IQGAP2: variants seen among roughly 807,000 people sequenced by gnomAD.
The protein encoded by IQGAP2 is ras GTPase-activating-like protein IQGAP2.
A neutral mutation model predicts 201.3 loss-of-function variants in IQGAP2; 173 were observed. That is an observed-to-expected ratio of 0.86 (90% CI 0.76 to 0.98). The LOEUF (loss-of-function observed/expected upper bound fraction) is 0.98. Ranked by LOEUF, IQGAP2 falls within the 50% of genes least tolerant of loss-of-function variation. The pLI, the probability that IQGAP2 is intolerant of heterozygous loss-of-function variation, is 0.00. For missense variants in IQGAP2, 1,687 were observed against 1,864.8 expected (o/e 0.90, Z 1.76); for synonymous variants, 675 against 673.9 (o/e 1.00, Z -0.03).
intron 30 of IQGAP2, chr5:76,691,750 TG>T (rs1186346758): frequency 6.6e-6 from 1 of 152,236 alleles, no homozygotes; most frequent in African/African-American, 2.4e-5. Flanking sequence ...ACATTGTGAT[TG>T]TTCTTTTCAC....
At chr5:76,705,891 T>A (rs1473523237) in intron 35 of IQGAP2, among the ~76,000 whole-genome samples, 2 of 152,252 alleles carry the variant, frequency 1.3e-5, no homozygotes, top group African/African-American at 2.4e-5. Flanking sequence ...TATGTTACTA[T>A]GAAATGTTAC....
chr5:76,666,692 T>A (rs889085470), intron 22 of IQGAP2, among the ~76,000 whole-genome samples: 4 of 152,174 alleles, frequency 2.6e-5, no homozygotes, highest in Non-Finnish European at 4.4e-5. Context: ...CTAAAGAAAT[T>A]ATAGAAAAGC....
intron 9 of IQGAP2, among the ~76,000 whole-genome samples, chr5:76,595,768 A>AAGAGAGAGAGAGAGAGAG: frequency 6.9e-6 from 1 of 144,294 alleles, no homozygotes; most frequent in South Asian, 2.2e-4. Flanking sequence ...CAAAAAAAGA[A>AAGAGAGAGAGAGAGAGAG]AGAGAGAGAG....
At chr5:76,687,567 A>AGTG (rs1554086159) in intron 30 of IQGAP2, among the ~76,000 whole-genome samples, 1 of 152,138 alleles carries the variant, frequency 6.6e-6, no homozygotes, top group Non-Finnish European at 1.5e-5. Flanking sequence ...ACACAGCAGG[A>AGTG]GGGGAGCAAG....
intron 2 of IQGAP2, among the ~76,000 whole-genome samples, chr5:76,496,742 TTTCTTTCTTTCTTTCTTTC>T (rs1561416283): frequency 3.5e-4 from 15 of 42,444 alleles, no homozygotes; most frequent in South Asian, 6.1e-4. Flanking sequence ...TCTTTCTTTC[TTTCTTTCTTTCTTTCTTTC>T]TTTCTTTCTT....
chr5:76,595,262 T>C (rs1350117590), intron 9 of IQGAP2, among the ~76,000 whole-genome samples: 1 of 145,044 alleles, frequency 6.9e-6, no homozygotes, highest in Admixed American at 6.9e-5. Flanking sequence ...TTTTTTTTTT[T>C]TTTTTTTTTC....
intron 13 of IQGAP2, among the ~76,000 whole-genome samples, chr5:76,622,794 A>G (rs906652665): frequency 6.6e-6 from 1 of 152,216 alleles, no homozygotes; most frequent in African/African-American, 2.4e-5. Context: ...ATGTCTCACC[A>G]AGAGGTTTAA....
intron 2 of IQGAP2, among the ~76,000 whole-genome samples, chr5:76,471,676 A>T (rs1755118666): frequency 6.6e-6 from 1 of 151,002 alleles, no homozygotes; most frequent in Non-Finnish European, 1.5e-5. Flanking sequence ...GAAAGCCATG[A>T]GTTGCTTAAC....
chr5:76,524,140 C>A (rs1758842849), intron 2 of IQGAP2, among the ~76,000 whole-genome samples: 1 of 152,204 alleles, frequency 6.6e-6, no homozygotes, highest in Non-Finnish European at 1.5e-5. Context: ...GACAACCCAA[C>A]CTATTCCCAA....
At chr5:76,559,256 G>A (rs1253460432) in intron 2 of IQGAP2, among the ~76,000 whole-genome samples, 2 of 152,108 alleles carry the variant, frequency 1.3e-5, no homozygotes, top group Non-Finnish European at 2.9e-5. Flanking sequence ...ACTGTTTCCT[G>A]GAACTGTCTT....
chr5:76,641,142 A>C, intron 17 of IQGAP2, 39 bp downstream of exon 17: 1 of 1,433,220 alleles, frequency 7.0e-7, no homozygotes, highest in Non-Finnish European at 9.5e-7. Context: ...CAAAACTGTC[A>C]TATCACCTGA....
At chr5:76,664,659 G>A (rs1393366780) in intron 21 of IQGAP2, among the ~76,000 whole-genome samples, 1 of 149,896 alleles carries the variant, frequency 6.7e-6, no homozygotes, top group African/African-American at 2.5e-5. Context: ...CTCCAGCCTG[G>A]GTGACAAAGC....
intron 13 of IQGAP2, among the ~76,000 whole-genome samples, chr5:76,620,117 A>G (rs969079869): frequency 6.6e-6 from 1 of 150,764 alleles, no homozygotes; most frequent in Non-Finnish European, 1.5e-5. Context: ...ATTTTAAGCC[A>G]CTCAGTTTGT....
chr5:76,665,058 GA>G lies in IQGAP2; in HGVS notation c.2568del (p.Gly857GlufsTer7), dbSNP rs1467104006. ...TTTCACATAGTAAAAAGCTGAACAA[GA>G]AAAAAGGAGGAGAAATGGAAATACT... ...VISHSKKLNK[K>X]KGGEMEILNN... is the part of the protein sequence containing the mutation. On this transcript the variant is annotated frameshift_variant, in exon 22 of 36. Transcript: ENST00000274364. LOFTEE classifies it high-confidence loss of function. 1.9e-6 allele frequency: 3 copies of G among 1,591,600 alleles called. No individual in the cohort carries two copies. Among genetic ancestry groups the G allele is most frequent in the Non-Finnish European group, 2.6e-6 (3 of 1,160,500 alleles).
rs756990760 is a variant in IQGAP2, at chr5:76,693,454, T to C, written c.3993+12T>C. ...CAACTGCGCAACAGGTAATTTGACTTTAAGTGTAAAATAATAATAGACAGG... is the reference window on the plus strand; with the variant it reads ...CAACTGCGCAACAGGTAATTTGACTCTAAGTGTAAAATAATAATAGACAGG... On this transcript the variant is annotated intron_variant, in intron 31 of 35. Coordinates refer to ENST00000274364, the MANE Select transcript of IQGAP2 (RefSeq NM_006633.5). 1.4e-5 allele frequency: 21 copies of C among 1,536,322 alleles called. No individual in the cohort carries two copies. Among genetic ancestry groups the C allele is most frequent in the Non-Finnish European group, 1.8e-5 (20 of 1,110,992 alleles).
At chr5:76,580,168 C>T (rs866820769) in intron 5 of IQGAP2, among the ~76,000 whole-genome samples, 3 of 151,742 alleles carry the variant, frequency 2.0e-5, no homozygotes, top group Non-Finnish European at 2.9e-5. Flanking sequence ...CACAGCTACT[C>T]GGGAGGCTGA....
chr5:76,572,541 G>A (rs1234511999), intron 4 of IQGAP2, among the ~76,000 whole-genome samples: 2 of 151,904 alleles, frequency 1.3e-5, no homozygotes, highest in Non-Finnish European at 2.9e-5. Flanking sequence ...ATAACCCCCC[G>A]AGTTATCAAG....
chr5:76,417,162 G>C (rs1751455361), intron 1 of IQGAP2, among the ~76,000 whole-genome samples: 2 of 152,136 alleles, frequency 1.3e-5, no homozygotes, highest in Admixed American at 1.3e-4. Flanking sequence ...TGTCTACAGT[G>C]GGGAGGGATT....
intron 1 of IQGAP2, chr5:76,441,629 G>A (rs758334019): frequency 2.8e-5 from 13 of 465,218 alleles, no homozygotes; most frequent in African/African-American, 4.3e-5. Context: ...GTTCCCATTC[G>A]AGCACTACCT....
Sources: allele counts gnomAD v4.1 joint callset (sites outside exome capture counted in the v4.1 genomes callset), GRCh38; gene constraint gnomAD v4.1.1; transcripts MANE v1.5; gene names NCBI Gene and HGNC (gene_info 2026-07-23, HGNC 2026-07-21).